CYP2C19: variants seen among roughly 807,000 people sequenced by gnomAD.
CYP2C19 encodes the protein cytochrome P450 family 2 subfamily C member 19.
CYP2C19 carries 59 observed loss-of-function variants against 40.9 expected under a neutral mutation model. The ratio of observed to expected loss-of-function variants is 1.44; its 90% CI spans 1.17 to 1.79. The LOEUF is 1.79. Among genes scored for constraint, CYP2C19 ranks in the 40% most tolerant of loss-of-function variants. The probability of loss-of-function intolerance (pLI) is 0.00; values close to 1 mark genes in which losing one functional copy is unlikely to be tolerated. For synonymous variants in CYP2C19, 253 were observed against 208.7 expected (o/e 1.21, Z -1.83); for missense variants, 754 against 596.9 (o/e 1.26, Z -2.74).
chr10:94,810,759 C>G (rs1339736115), intron 5 of CYP2C19, among the ~76,000 whole-genome samples: 1 of 151,952 alleles, frequency 6.6e-6, no homozygotes, highest in Non-Finnish European at 1.5e-5. Flanking sequence ...TTTGTTCTCT[C>G]TATTTGATTC....
intron 6 of CYP2C19, among the ~76,000 whole-genome samples, chr10:94,826,690 A>G (rs1353368985): frequency 1.3e-5 from 2 of 152,154 alleles, no homozygotes; most frequent in Non-Finnish European, 2.9e-5. Flanking sequence ...AACTTCCAAC[A>G]CTATGTTGAA....
intron 5 of CYP2C19, among the ~76,000 whole-genome samples, chr10:94,816,499 T>C (rs1849004750): frequency 6.6e-6 from 1 of 152,066 alleles, no homozygotes; most frequent in Non-Finnish European, 1.5e-5. Flanking sequence ...TGTTTTAAAT[T>C]CTCTTTTGTT....
chr10:94,831,562 T>G (rs1243158540), intron 6 of CYP2C19, among the ~76,000 whole-genome samples: 3 of 152,242 alleles, frequency 2.0e-5, no homozygotes, highest in African/African-American at 7.2e-5. Context: ...TCACTAGCAT[T>G]TGTTATTGCC....
At chr10:94,765,697 G>A (rs1050964587) in intron 1 of CYP2C19, among the ~76,000 whole-genome samples, 4 of 152,102 alleles carry the variant, frequency 2.6e-5, no homozygotes, top group African/African-American at 9.7e-5. Context: ...GAGTATGTTT[G>A]CCATTACAAA....
chr10:94,844,112 T>A (rs754204724), intron 7 of CYP2C19, among the ~76,000 whole-genome samples: 34 of 151,626 alleles, frequency 2.2e-4, no homozygotes, highest in Non-Finnish European at 4.0e-4. Context: ...GCCAGCCTTA[T>A]AAAACTAAGT....
chr10:94,780,854 G>T (rs1464060099), intron 4 of CYP2C19, among the ~76,000 whole-genome samples, 195 bp downstream of exon 4: 1 of 152,100 alleles, frequency 6.6e-6, no homozygotes, highest in African/African-American at 2.4e-5. Context: ...TCCCAATATA[G>T]ATCAGGCTTC....
chr10:94,850,702 G>T (rs1849639762), intron 8 of CYP2C19, among the ~76,000 whole-genome samples: 1 of 152,170 alleles, frequency 6.6e-6, no homozygotes, highest in Non-Finnish European at 1.5e-5. Flanking sequence ...GAGTCAGAGA[G>T]GATGAAAAGA....
intron 5 of CYP2C19, among the ~76,000 whole-genome samples, chr10:94,811,318 G>A (rs1324590674): frequency 6.6e-6 from 1 of 152,130 alleles, no homozygotes; most frequent in East Asian, 1.9e-4. Flanking sequence ...GTCAATTTTA[G>A]AATAAGTGTG....
At chr10:94,838,411 CA>C (rs1407493872) in intron 6 of CYP2C19, among the ~76,000 whole-genome samples, 1 of 152,190 alleles carries the variant, frequency 6.6e-6, no homozygotes, top group African/African-American at 2.4e-5. Context: ...CTCTCCATGT[CA>C]GATCAAAGGA....
intron 6 of CYP2C19, among the ~76,000 whole-genome samples, chr10:94,826,007 A>G (rs1321745767): frequency 6.7e-6 from 1 of 149,594 alleles, no homozygotes; most frequent in Non-Finnish European, 1.5e-5. Flanking sequence ...GTTCTGTTCC[A>G]TTGATCTATA....
At chr10:94,788,647 C>A (rs1051776191) in intron 5 of CYP2C19, among the ~76,000 whole-genome samples, 1 of 152,132 alleles carries the variant, frequency 6.6e-6, no homozygotes, top group Non-Finnish European at 1.5e-5. Context: ...TGGTTTCCAG[C>A]TACATCCATG....
intron 6 of CYP2C19, among the ~76,000 whole-genome samples, chr10:94,838,315 C>A (rs1419784821): frequency 2.6e-5 from 4 of 152,164 alleles, no homozygotes; most frequent in Non-Finnish European, 5.9e-5. Context: ...GACTGAGATA[C>A]CAGAGATTGC....
At chr10:94,798,365 A>G (rs1006208503) in intron 5 of CYP2C19, among the ~76,000 whole-genome samples, 3 of 152,090 alleles carry the variant, frequency 2.0e-5, no homozygotes, top group East Asian at 1.9e-4. Flanking sequence ...ACAGTTTGTT[A>G]TAATTTCTAT....
chr10:94,827,448 A>T (rs573512744), intron 6 of CYP2C19, among the ~76,000 whole-genome samples: 1 of 151,810 alleles, frequency 6.6e-6, no homozygotes, highest in South Asian at 2.1e-4. Flanking sequence ...GTTTATTTGC[A>T]TAGAGGTGTT....
chr10:94,849,730 T>A (rs1336750332), intron 7 of CYP2C19, among the ~76,000 whole-genome samples, 187 bp from the exon 8 acceptor site: 2 of 149,404 alleles, frequency 1.3e-5, no homozygotes, highest in Non-Finnish European at 3.0e-5. Flanking sequence ...TTTAGCAAGA[T>A]TATTGTCACT....
At chr10:94,779,007 A>G (rs1848447685) in intron 3 of CYP2C19, among the ~76,000 whole-genome samples, 1 of 152,134 alleles carries the variant, frequency 6.6e-6, no homozygotes, top group Non-Finnish European at 1.5e-5. Context: ...GCAAACTAAC[A>G]GAGGAACAGA....
At chr10:94,815,990 T>C (rs1475612899) in intron 5 of CYP2C19, among the ~76,000 whole-genome samples, 1 of 152,160 alleles carries the variant, frequency 6.6e-6, no homozygotes, top group Non-Finnish European at 1.5e-5. Flanking sequence ...TGTCTACAGG[T>C]AATAGTAACT....
At chr10:94,822,016 C>T (rs2134269746) in intron 6 of CYP2C19, among the ~76,000 whole-genome samples, 1 of 151,870 alleles carries the variant, frequency 6.6e-6, no homozygotes, top group Admixed American at 6.6e-5. Context: ...TGTTTACTTC[C>T]CATTTATAAG....
At position 94,842,916 on chromosome 10, in the gene CYP2C19, C is replaced by A; in HGVS notation, c.1041C>A (p.Tyr347Ter). Residue 347 changes from tyrosine (Y) to a stop codon, truncating the protein, a stop_gained, in exon 7 of 9, where the codon TAC becomes TAA. Coordinates refer to ENST00000371321, the MANE Select transcript of CYP2C19 (RefSeq NM_000769.4). LOFTEE classifies it high-confidence loss of function. Reference sequence around the variant, plus strand: ...TGCAGGACAGGGGCCACATGCCCTACACAGATGCTGTGGTGCACGAGGTCC... The same window carrying A: ...TGCAGGACAGGGGCCACATGCCCTAAACAGATGCTGTGGTGCACGAGGTCC... ...PCMQDRGHMP[Y>*]TDAVVHEVQR... 1 of 1,614,196 alleles carries A rather than the reference C, an allele frequency of 6.2e-7. No homozygotes were observed. Among genetic ancestry groups the A allele is most frequent in the Non-Finnish European group, 8.5e-7 (1 of 1,180,030 alleles).
Sources: allele counts gnomAD v4.1 joint callset (sites outside exome capture counted in the v4.1 genomes callset), GRCh38; gene constraint gnomAD v4.1.1; transcripts MANE v1.5; gene names NCBI Gene and HGNC (gene_info 2026-07-23, HGNC 2026-07-21).